The following LYPLAL1 variants were observed in gnomAD, a reference collection of about 807,000 sequenced individuals.
LYPLAL1 encodes lysophospholipase like 1, also known as lysophospholipase-like protein 1.
LYPLAL1 carries 23 observed loss-of-function variants against 19.7 expected under a neutral mutation model. The ratio of observed to expected loss-of-function variants is 1.17; its 90% CI spans 0.84 to 1.65. The LOEUF is 1.65. Ranked by LOEUF, LYPLAL1 falls within the 40% of genes most tolerant of loss-of-function variation. The pLI is 0.00. For synonymous variants in LYPLAL1, 119 were observed against 96.3 expected (o/e 1.24, Z -1.38); for missense variants, 355 against 279.4 (o/e 1.27, Z -1.93).
the LYPLAL1 span, among the ~76,000 whole-genome samples, chr1:219,304,782 G>C: frequency 3.3e-5 from 5 of 152,152 alleles, no homozygotes; most frequent in Admixed American, 3.3e-4. Flanking sequence ...GAGATGCCAA[G>C]TCGTCTACAC....
At chr1:219,242,598 A>C in the LYPLAL1 span, among the ~76,000 whole-genome samples, 1 of 152,106 alleles carries the variant, frequency 6.6e-6, no homozygotes, top group Non-Finnish European at 1.5e-5. Flanking sequence ...ATTATGGCTT[A>C]TTATGTCCCT....
At chr1:219,344,916 C>CT in the LYPLAL1 span, among the ~76,000 whole-genome samples, 4 of 152,094 alleles carry the variant, frequency 2.6e-5, no homozygotes, top group Non-Finnish European at 4.4e-5. Context: ...TATTACTGAA[C>CT]TTTTTTTCTG....
intron 3 of LYPLAL1, among the ~76,000 whole-genome samples, chr1:219,205,916 A>G (rs1658535513): frequency 6.6e-6 from 1 of 152,192 alleles, no homozygotes. Flanking sequence ...TATTTTGTTT[A>G]TCCCACAAGT....
At chr1:219,306,344 G>A in the LYPLAL1 span, among the ~76,000 whole-genome samples, 8 of 152,232 alleles carry the variant, frequency 5.3e-5, no homozygotes, top group African/African-American at 1.4e-4. Context: ...AGGGAGCCCA[G>A]GTATTTGGTT....
rs1489417159 is a variant in LYPLAL1 at position 219,211,677 on chromosome 1, G to A, written c.663G>A (p.Leu221=). 2 of 1,612,480 alleles carry A rather than the reference G, an allele frequency of 1.2e-6. No individual in the cohort carries two copies. Among genetic ancestry groups the A allele is most frequent in the Admixed American group, 1.7e-5 (1 of 59,748 alleles). The part of the protein sequence containing the change: ...HELSKTELDI[L]KLWILTKLPG... ...TAAGCAAAACTGAGTTAGACATATTGAAGTTATGGATTCTTACAAAGCTGC... is the reference window on the plus strand; with the variant it reads ...TAAGCAAAACTGAGTTAGACATATTAAAGTTATGGATTCTTACAAAGCTGC... Residue 221 remains leucine, a synonymous_variant, in exon 5 of 5, where the codon TTG becomes TTA. Transcript: ENST00000366928.
chr1:219,194,709 A>G (rs10863436), intron 3 of LYPLAL1, among the ~76,000 whole-genome samples: 110,900 of 151,862 alleles, frequency 0.73, 41,296 homozygotes, highest in East Asian at 0.93. Flanking sequence ...TACCCAATCA[A>G]TAAATTGTCA....
the LYPLAL1 span, among the ~76,000 whole-genome samples, chr1:219,274,606 G>A: frequency 2.0e-5 from 3 of 151,578 alleles, no homozygotes; most frequent in East Asian, 1.9e-4. Flanking sequence ...ACCTGGTCTC[G>A]AACTCCTGAC....
chr1:219,228,157 A>T, the LYPLAL1 span, among the ~76,000 whole-genome samples: 1 of 152,154 alleles, frequency 6.6e-6, no homozygotes, highest in African/African-American at 2.4e-5. Flanking sequence ...GAGTGAGAAA[A>T]CTTCCCTAAA....
the LYPLAL1 span, among the ~76,000 whole-genome samples, chr1:219,280,472 G>A: frequency 6.6e-6 from 1 of 151,908 alleles, no homozygotes; most frequent in African/African-American, 2.4e-5. Flanking sequence ...CCTATTTTTT[G>A]AGATATATAC....
At chr1:219,362,707 G>GTGAT in the LYPLAL1 span, among the ~76,000 whole-genome samples, 1 of 152,140 alleles carries the variant, frequency 6.6e-6, no homozygotes, top group Non-Finnish European at 1.5e-5. Flanking sequence ...TGGTTGAAAA[G>GTGAT]TGATATAGTG....
the LYPLAL1 span, among the ~76,000 whole-genome samples, chr1:219,416,704 G>A: frequency 1.3e-5 from 2 of 152,180 alleles, no homozygotes; most frequent in Non-Finnish European, 2.9e-5. Context: ...AGAAAGGGGT[G>A]GTAACTTCCA....
chr1:219,361,955 G>A, the LYPLAL1 span, among the ~76,000 whole-genome samples: 2 of 152,080 alleles, frequency 1.3e-5, no homozygotes, highest in South Asian at 2.1e-4. Context: ...AGATCAGCAT[G>A]CTTGGCTTTG....
the LYPLAL1 span, among the ~76,000 whole-genome samples, chr1:219,396,853 A>G: frequency 8.5e-5 from 13 of 152,196 alleles, no homozygotes; most frequent in Admixed American, 2.6e-4. Context: ...GAATCATGTC[A>G]TTTGTAAACA....
chr1:219,308,050 A>G, the LYPLAL1 span, among the ~76,000 whole-genome samples: 2 of 152,252 alleles, frequency 1.3e-5, no homozygotes, highest in Non-Finnish European at 2.9e-5. Flanking sequence ...TGATATGGAC[A>G]ATGAAATCCA....
At chr1:219,241,128 C>CTATATATA in the LYPLAL1 span, among the ~76,000 whole-genome samples, 23 of 81,254 alleles carry the variant, frequency 2.8e-4, no homozygotes, top group South Asian at 8.0e-4. Context: ...CTCTCTCTCT[C>CTATATATA]TCTCTCTATA....
intron 3 of LYPLAL1, among the ~76,000 whole-genome samples, chr1:219,206,215 T>A (rs1658556391): frequency 1.3e-5 from 2 of 152,162 alleles, no homozygotes; most frequent in African/African-American, 4.8e-5. Context: ...CCAGGTTTAT[T>A]ATTTTTTAAC....
the LYPLAL1 span, among the ~76,000 whole-genome samples, chr1:219,298,433 A>T: frequency 6.6e-6 from 1 of 152,260 alleles, no homozygotes; most frequent in Non-Finnish European, 1.5e-5. Context: ...GGAGGCGCTG[A>T]GGCTCTGATT....
the LYPLAL1 span, among the ~76,000 whole-genome samples, chr1:219,269,572 G>T: frequency 7.6e-4 from 115 of 151,820 alleles, no homozygotes; most frequent in African/African-American, 2.7e-3. Context: ...ACATTTAAAA[G>T]ATTTTTCTTT....
the LYPLAL1 span, among the ~76,000 whole-genome samples, chr1:219,265,451 T>A: frequency 2.6e-5 from 4 of 152,178 alleles, no homozygotes; most frequent in African/African-American, 4.8e-5. Context: ...TTGAAAAAAT[T>A]GTAAAACGGC....
Sources: allele counts gnomAD v4.1 joint callset (sites outside exome capture counted in the v4.1 genomes callset), GRCh38; gene constraint gnomAD v4.1.1; transcripts MANE v1.5; gene names NCBI Gene and HGNC (gene_info 2026-07-23, HGNC 2026-07-21).